The following MANBA variants were observed in gnomAD, a reference collection of about 807,000 sequenced individuals.
MANBA encodes mannosidase beta, also known as beta-mannosidase.
Under a neutral mutation model 111.1 loss-of-function variants are expected in MANBA, and 83 were observed. The ratio of observed to expected loss-of-function variants is 0.75; its 90% CI spans 0.63 to 0.90. MANBA has a LOEUF of 0.90. Among genes scored for constraint, MANBA ranks in the 40% least tolerant of loss-of-function variants. The pLI is 0.00. For synonymous variants in MANBA, 370 were observed against 378.7 expected, an observed-to-expected ratio of 0.98 and a Z score of 0.27; for missense variants, 1,036 against 1,069.0, an observed-to-expected ratio of 0.97 and a Z score of 0.43.
intron 1 of MANBA, 113 bp from the exon 2 acceptor site, chr4:102,726,796 G>C (rs966432184): frequency 8.8e-6 from 6 of 682,808 alleles, no homozygotes; most frequent in Non-Finnish European, 1.6e-5. Context: ...AAAAATTAAC[G>C]AACTTTTAGC....
intron 14 of MANBA, among the ~76,000 whole-genome samples, chr4:102,636,397 A>G (rs1244762706): frequency 6.6e-6 from 1 of 152,366 alleles, no homozygotes; most frequent in African/African-American, 2.4e-5. Flanking sequence ...TACTGTAGGT[A>G]ATTCTAATCA....
At position 102,650,679 on chromosome 4, in the gene MANBA, G is replaced by C. The variant is rs1308105243; in HGVS notation, c.1727C>G (p.Ser576Cys). 6.2e-7 allele frequency: 1 copy of C among 1,613,120 alleles called. No individual in the cohort carries two copies. Among genetic ancestry groups the C allele is most frequent in the South Asian group, 1.1e-5 (1 of 91,060 alleles). ...ATGAAGTGAAAACTTGCTATTGAAA[G>C]ACCAGTCCTCTGTAGACGAGACCTT... ...LEKVSSTEDW[S>C]FNSKFSLHRQ... Residue 576 changes from serine (S) to cysteine (C), a missense_variant, in exon 13 of 17, where the codon TCT becomes TGT. Physicochemically the swap from Ser to Cys is moderately radical, Grantham distance 112. Transcript: ENST00000647097.
chr4:102,673,871 G>A lies in MANBA; in HGVS notation c.1112+48C>T, dbSNP rs376063127. ...AAAATGAGTAAACCTCAAGCTTTGC[G>A]GGACTGCTAATTAAAAGAAGAACAA... On this transcript the variant is annotated intron_variant, in intron 8 of 16. Coordinates refer to ENST00000647097, the MANE Select transcript of MANBA (RefSeq NM_005908.4). 89 of 1,532,966 alleles carry A rather than the reference G, an allele frequency of 5.8e-5. No homozygotes were observed. The East Asian group carries it at 1.4e-3, about 23-fold the overall frequency. The allele number at this position is 1,532,966 out of a possible 1,614,324, so 95.0% of individuals were successfully genotyped here.
In MANBA at chr4:102,653,261, CACACAA is replaced by C. The variant is rs1231490704; in HGVS notation, c.1705-2566_1705-2561del. ...ACACACACACACACACACACACACA[CACACAA>C]GGTATTTACTACCATTAACCCCAAT... On this transcript the variant is annotated intron_variant, in intron 12 of 16. Transcript: ENST00000647097. Among the ~76,000 whole-genome samples, 146 of 116,894 alleles carry C rather than the reference CACACAA, an allele frequency of 1.2e-3. No individual in the cohort carries two copies. The South Asian group carries it at 0.016, about 13-fold the overall frequency. 76.7% of individuals were successfully genotyped at this position (116,894 alleles called of 152,430 possible).
chr4:102,678,061 C>A (rs928133903), intron 7 of MANBA, among the ~76,000 whole-genome samples: 2 of 152,132 alleles, frequency 1.3e-5, no homozygotes, highest in African/African-American at 4.8e-5. Context: ...ATCACTACTG[C>A]AGAAAATAGA....
intron 5 of MANBA, among the ~76,000 whole-genome samples, chr4:102,700,915 G>T (rs1487223394): frequency 6.6e-6 from 1 of 152,020 alleles, no homozygotes; most frequent in Non-Finnish European, 1.5e-5. Flanking sequence ...GGGTATCCTT[G>T]TTAACTTTCT....
At chr4:102,638,628 A>G (rs1331967885) in intron 14 of MANBA, among the ~76,000 whole-genome samples, 1 of 152,206 alleles carries the variant, frequency 6.6e-6, no homozygotes, top group Admixed American at 6.5e-5. Flanking sequence ...CAGGATCAGT[A>G]TCCAAGAGTC....
chr4:102,714,068 C>A (rs1169670566), intron 5 of MANBA, among the ~76,000 whole-genome samples: 2 of 152,058 alleles, frequency 1.3e-5, no homozygotes, highest in East Asian at 3.8e-4. Flanking sequence ...GCCAGTCTAA[C>A]GGTGTGAGCA....
At chr4:102,695,553 C>T (rs1732668737) in intron 5 of MANBA, among the ~76,000 whole-genome samples, 1 of 152,106 alleles carries the variant, frequency 6.6e-6, no homozygotes, top group Non-Finnish European at 1.5e-5. Context: ...TTCTAACTTA[C>T]AAACAAAGGA....
chr4:102,699,569 G>T (rs922946195), intron 5 of MANBA, among the ~76,000 whole-genome samples: 10 of 150,774 alleles, frequency 6.6e-5, no homozygotes, highest in African/African-American at 2.0e-4. Flanking sequence ...TAGCATGAAG[G>T]GTTGTTGAAT....
At position 102,659,438 on chromosome 4, in the gene MANBA, A is replaced by T. The variant is rs537508192; in HGVS notation, c.1486-1538T>A. On this transcript the variant is annotated intron_variant, in intron 11 of 16. Coordinates refer to ENST00000647097, the MANE Select transcript of MANBA (RefSeq NM_005908.4). ...TTTCATTTCTTGTTTCTATTCTGCT[A>T]TTAAGAAAAAAAAATCCTTAACCCT... is the stretch of plus-strand genomic sequence containing the variant. Among the ~76,000 whole-genome samples, 7 of 152,168 alleles carry T rather than the reference A, an allele frequency of 4.6e-5. No individual in the cohort carries two copies. The East Asian group carries it at 1.2e-3, about 25-fold the overall frequency.
chr4:102,662,268 G>A (rs529016689), intron 11 of MANBA, among the ~76,000 whole-genome samples: 1 of 152,246 alleles, frequency 6.6e-6, no homozygotes, highest in African/African-American at 2.4e-5. Flanking sequence ...TGGGCCAGGC[G>A]TGGTGGCTCA....
intron 13 of MANBA, among the ~76,000 whole-genome samples, chr4:102,645,793 T>C (rs1479171223): frequency 2.0e-5 from 3 of 152,138 alleles, no homozygotes; most frequent in Non-Finnish European, 4.4e-5. Flanking sequence ...AACTAAAGGT[T>C]TGTCAATTTT....
At chr4:102,670,915 C>G (rs956699459) in intron 9 of MANBA, 1 of 157,614 alleles carries the variant, frequency 6.3e-6, no homozygotes, top group Non-Finnish European at 1.4e-5. Flanking sequence ...ATGAAACACA[C>G]CTTTTCTTTA....
At chr4:102,643,561 A>G (rs1402152727) in intron 13 of MANBA, among the ~76,000 whole-genome samples, 1 of 152,128 alleles carries the variant, frequency 6.6e-6, no homozygotes, top group East Asian at 1.9e-4. Context: ...GCCAATACTC[A>G]TTATTTTCCT....
intron 7 of MANBA, among the ~76,000 whole-genome samples, chr4:102,688,386 T>TACAC (rs70937563): frequency 0.054 from 7,535 of 140,462 alleles, 255 homozygotes; most frequent in African/African-American, 0.088. Flanking sequence ...CCTCCCCCCT[T>TACAC]ACACACACAC....
intron 13 of MANBA, among the ~76,000 whole-genome samples, chr4:102,649,450 C>T (rs1004299088): frequency 3.9e-5 from 6 of 152,116 alleles, no homozygotes; most frequent in African/African-American, 1.4e-4. Flanking sequence ...AGCCATTCTG[C>T]TGGGTGTGTA....
intron 10 of MANBA, chr4:102,665,778 C>G (rs758050592): frequency 2.0e-5 from 3 of 152,136 alleles, no homozygotes; most frequent in Admixed American, 6.5e-5. Context: ...TCTTTTGGAA[C>G]ATGTTTTGGC....
intron 7 of MANBA, among the ~76,000 whole-genome samples, chr4:102,677,802 A>T (rs1020271170): frequency 2.0e-5 from 3 of 152,192 alleles, no homozygotes; most frequent in Admixed American, 6.5e-5. Flanking sequence ...CTAACATGTA[A>T]AACTGTCATT....
Sources: allele counts gnomAD v4.1 joint callset (sites outside exome capture counted in the v4.1 genomes callset), GRCh38; gene constraint gnomAD v4.1.1; transcripts MANE v1.5; gene names NCBI Gene and HGNC (gene_info 2026-07-23, HGNC 2026-07-21).